Variants in PPIG observed in about 807,000 individuals in gnomAD.
PPIG encodes the protein peptidylprolyl isomerase G.
PPIG carries 26 observed loss-of-function variants against 87.9 expected under a neutral mutation model. That is an observed-to-expected ratio of 0.30 (90% confidence interval 0.22 to 0.41). The LOEUF (loss-of-function observed/expected upper bound fraction) is 0.41, where lower values mean the gene tolerates loss of function less well. PPIG is among the 10% of genes least tolerant of loss of function. PPIG has a pLI of 1.00. For missense variants in PPIG, 722 were observed against 879.4 expected, an observed-to-expected ratio of 0.82 and a Z score of 2.26; for synonymous variants, 308 against 276.5, an observed-to-expected ratio of 1.11 and a Z score of -1.13.
chr2:169,639,032 A>T lies in PPIG; in HGVS notation c.*1509A>T, dbSNP rs2105527752. 6.6e-6 allele frequency: 1 copy of T among 152,104 alleles called. No homozygotes were observed. Among genetic ancestry groups the T allele is most frequent in the East Asian group, 1.9e-4 (1 of 5,184 alleles). The allele number at this position is 152,104 out of a possible 1,614,324, so 9.4% of individuals were successfully genotyped here. A position where few individuals can be genotyped will look rare whatever the true frequency, so the allele number is the denominator to read the frequency against. On this transcript the variant is annotated 3_prime_UTR_variant, in exon 14 of 14. Transcript: ENST00000260970. Reference sequence around the variant, plus strand: ...ACTGAATAAAGCAATTATTAACATGATACTTCCCACTATTGATTAATGCAA... The same window carrying T: ...ACTGAATAAAGCAATTATTAACATGTTACTTCCCACTATTGATTAATGCAA...
At chr2:169,633,518 G>A in intron 12 of PPIG, 4 of 521,510 alleles carry the variant, frequency 7.7e-6, no homozygotes, top group Non-Finnish European at 9.9e-6. Context: ...GGCAATCACT[G>A]TATCTCTATT....
intron 7 of PPIG, among the ~76,000 whole-genome samples, chr2:169,609,982 A>G (rs1685441444): frequency 6.6e-6 from 1 of 152,212 alleles, no homozygotes; most frequent in African/African-American, 2.4e-5. Context: ...TGTAACCTCC[A>G]AATGCTAAGG....
At position 169,636,762 on chromosome 2, in the gene PPIG, AAGC is replaced by A. The variant is rs1686190385; in HGVS notation, c.1507_1509del (p.Gln503del). 1.2e-6 allele frequency: 2 copies of A among 1,612,370 alleles called. No individual in the cohort carries two copies. Among genetic ancestry groups the A allele is most frequent in the South Asian group, 1.1e-5 (1 of 90,710 alleles). ...TCATGAAAATGTTAAAGAAAAAGAA[AAGC>A]AGTCTGATTCTAAAGGAAAAGATCA... On this transcript the variant is annotated inframe_deletion, in exon 14 of 14. Coordinates refer to ENST00000260970, the MANE Select transcript of PPIG (RefSeq NM_004792.3).
Position 169,627,240 on chromosome 2 carries a change from G to A in PPIG, c.548-3534G>A, listed in dbSNP as rs907976824. On this transcript the variant is annotated intron_variant, in intron 9 of 13. Transcript: ENST00000260970. ...CAGCCTCCCTAGTAGCTGGGATTAC[G>A]CGTGTGCACCACCACACTTGGCTAA... Among the ~76,000 whole-genome samples the A allele has an allele frequency of 5.3e-5, 8 of 151,522 alleles. 1 individual carries two copies. The highest frequency in any genetic ancestry group is 1.5e-4 in the African/African-American group (6 of 41,180).
intron 9 of PPIG, among the ~76,000 whole-genome samples, chr2:169,626,790 A>G (rs192034853): frequency 3.3e-5 from 5 of 152,130 alleles, no homozygotes; most frequent in Admixed American, 6.5e-5. Context: ...GCTCACTGCA[A>G]CCTCTGCCTC....
chr2:169,624,874 G>A (rs1685844051), intron 9 of PPIG, among the ~76,000 whole-genome samples: 1 of 152,174 alleles, frequency 6.6e-6, no homozygotes, highest in South Asian at 2.1e-4. Context: ...ACAGGCATGA[G>A]CCACCGCGCC....
intron 7 of PPIG, among the ~76,000 whole-genome samples, 180 bp from the exon 8 acceptor site, chr2:169,614,284 A>G (rs1253672475): frequency 6.6e-6 from 1 of 152,218 alleles, no homozygotes; most frequent in African/African-American, 2.4e-5. Context: ...CATTATGTGG[A>G]AAGCATTTTG....
intron 12 of PPIG, 61 bp from the exon 13 acceptor site, chr2:169,636,030 CA>C (rs1425941200): frequency 5.2e-6 from 7 of 1,334,462 alleles, no homozygotes; most frequent in Non-Finnish European, 7.1e-6. Context: ...TCCCTCCCAG[CA>C]CCCATGCGAG....
chr2:169,604,823 G>C (rs993657126), intron 4 of PPIG, among the ~76,000 whole-genome samples: 1 of 150,990 alleles, frequency 6.6e-6, no homozygotes, highest in Non-Finnish European at 1.5e-5. Flanking sequence ...GCGGTGAGCC[G>C]AGATCGTGCC....
At chr2:169,615,363 A>G (rs1334910476) in intron 9 of PPIG, among the ~76,000 whole-genome samples, 1 of 152,186 alleles carries the variant, frequency 6.6e-6, no homozygotes, top group African/African-American at 2.4e-5. Context: ...TTTCAAGAAT[A>G]CAGTACATTG....
intron 1 of PPIG, among the ~76,000 whole-genome samples, chr2:169,590,140 AAG>A (rs1553543024): frequency 1.3e-3 from 169 of 134,388 alleles, no homozygotes; most frequent in African/African-American, 4.3e-3. Context: ...AAAAAAAAAA[AAG>A]AAAAGAAAAG....
intron 1 of PPIG, among the ~76,000 whole-genome samples, chr2:169,586,780 A>G (rs908034052): frequency 6.6e-6 from 1 of 152,172 alleles, no homozygotes; most frequent in Non-Finnish European, 1.5e-5. Flanking sequence ...GTTTATAAAT[A>G]GAGTATTTAA....
chr2:169,595,230 T>C (rs991366615), intron 1 of PPIG, among the ~76,000 whole-genome samples: 2 of 152,206 alleles, frequency 1.3e-5, no homozygotes, highest in African/African-American at 4.8e-5. Context: ...TATTCATTTT[T>C]ATAGTAAGTT....
intron 9 of PPIG, among the ~76,000 whole-genome samples, chr2:169,623,763 G>A (rs1257417157): frequency 6.6e-6 from 1 of 152,150 alleles, no homozygotes; most frequent in Non-Finnish European, 1.5e-5. Context: ...AACCCATAAT[G>A]TGAAATGAAA....
chr2:169,611,622 T>C (rs1685491955), intron 7 of PPIG, among the ~76,000 whole-genome samples: 1 of 152,208 alleles, frequency 6.6e-6, no homozygotes, highest in African/African-American at 2.4e-5. Context: ...GAAAGGATAG[T>C]TTACTGTAGC....
rs778229331 is a variant in PPIG, at chr2:169,640,307, G to A, written c.*2784G>A. ...ATGACCTTTGATATTTGTGCCTAGT[G>A]GAAGGTATGGAGCTAAACAATTAAA... On this transcript the variant is annotated 3_prime_UTR_variant, in exon 14 of 14. Coordinates refer to ENST00000260970, the MANE Select transcript of PPIG (RefSeq NM_004792.3). The A allele has an allele frequency of 2.0e-5, 3 of 152,136 alleles. No homozygotes were observed. 9.4% of individuals were successfully genotyped at this position (152,136 alleles called of 1,614,324 possible).
At chr2:169,621,347 T>C (rs1574457860) in intron 9 of PPIG, among the ~76,000 whole-genome samples, 2 of 152,274 alleles carry the variant, frequency 1.3e-5, no homozygotes, top group South Asian at 4.1e-4. Flanking sequence ...TTTTCTTCCA[T>C]GTGATGTCAA....
intron 1 of PPIG, among the ~76,000 whole-genome samples, chr2:169,587,755 T>G (rs1454533495): frequency 6.6e-6 from 1 of 152,214 alleles, no homozygotes; most frequent in Non-Finnish European, 1.5e-5. Context: ...AGAAAACTTT[T>G]GAACTTTGTT....
In PPIG at chr2:169,593,959, G is replaced by A. The variant is rs1001332720; in HGVS notation, c.-70+9469G>A. 5.9e-5 allele frequency among the ~76,000 whole-genome samples: 9 copies of A among 151,936 alleles called. No individual in the cohort carries two copies. The South Asian group carries it at 8.3e-4, about 14-fold the overall frequency. On this transcript the variant is annotated intron_variant, in intron 1 of 13. Coordinates refer to ENST00000260970, the MANE Select transcript of PPIG (RefSeq NM_004792.3). The stretch of plus-strand genomic sequence containing the variant: ...TGTGAGCCACCACGCCCGGCCCACT[G>A]TTTTATATCTTGATTATTTTTCCAA...
Sources: gnomAD v4.1 joint callset for allele counts (sites outside exome capture counted in the v4.1 genomes callset) on GRCh38, gnomAD v4.1.1 for gene constraint, MANE v1.5 for transcripts, NCBI Gene and HGNC (gene_info 2026-07-23, HGNC 2026-07-21) for gene names.